The following SPRY3 variants were observed in gnomAD, a reference collection of about 807,000 sequenced individuals.
SPRY3 encodes the protein protein sprouty homolog 3.
SPRY3 carries 15 observed loss-of-function variants against 20.2 expected under a neutral mutation model. The ratio of observed to expected loss-of-function variants is 0.74; its 90% CI spans 0.50 to 1.14. The LOEUF (loss-of-function observed/expected upper bound fraction) is 1.14. Among genes scored for constraint, SPRY3 ranks in the 50% most tolerant of loss-of-function variants. SPRY3 has a pLI of 0.00. For synonymous variants in SPRY3, 143 were observed against 136.5 expected (o/e 1.05, Z -0.33); for missense variants, 364 against 363.9 (o/e 1.00, Z 0.00).
At chrX:155,774,490 G>A (rs1213759985) in exon 4 of SPRY3, 2 of 1,613,880 alleles carry the variant, frequency 1.2e-6, no homozygotes, top group African/African-American at 2.7e-5. Flanking sequence ...AGACAACTGT[G>A]CTGATGAGCC....
Position 155,725,351 on chromosome X carries a change from T to A in SPRY3, c.-281-42611T>A, listed in dbSNP as rs184671212. 2.5e-4 allele frequency among the ~76,000 whole-genome samples: 38 copies of A among 152,310 alleles called. No individual in the cohort carries two copies. The East Asian group carries it at 6.4e-3, about 25-fold the overall frequency. On this transcript the variant is annotated intron_variant, in intron 2 of 3. Transcript: ENST00000675360. ...ACCTCATAAAATAAGTTAGGGAGGA[T>A]TCCCTCTTTTTCTATTAATTGGAAT...
At chrX:155,778,302 T>C (rs184914934), downstream of SPRY3, 1 of 167,154 alleles carries the variant, frequency 6.0e-6, no homozygotes, top group South Asian at 2.1e-4. Flanking sequence ...ATAAGTATCT[T>C]GCTATGTTAA....
chrX:155,730,921 A>G (rs1315544013), intron 2 of SPRY3, among the ~76,000 whole-genome samples: 1 of 152,112 alleles, frequency 6.6e-6, no homozygotes, highest in Admixed American at 6.6e-5. Flanking sequence ...CAATAGCTAC[A>G]AGTAAAATCA....
At chrX:155,626,431 T>A (rs1382801221) in intron 1 of SPRY3, among the ~76,000 whole-genome samples, 2 of 111,785 alleles carry the variant, frequency 1.8e-5, no homozygotes, top group African/African-American at 6.5e-5. Context: ...TAAGAGCATT[T>A]TACATATTCT....
intron 1 of SPRY3, among the ~76,000 whole-genome samples, chrX:155,628,121 C>T (rs1032091659): frequency 1.4e-4 from 16 of 111,924 alleles, no homozygotes; most frequent in East Asian, 8.3e-4. Context: ...TGAACATACA[C>T]GTACACGTAT....
At chrX:155,750,149 G>A (rs1602987137) in intron 2 of SPRY3, among the ~76,000 whole-genome samples, 1 of 151,876 alleles carries the variant, frequency 6.6e-6, no homozygotes, top group Non-Finnish European at 1.5e-5. Flanking sequence ...GCAGCTAGAA[G>A]CCATTATCCC....
At chrX:155,750,471 G>A (rs1415741196) in intron 2 of SPRY3, among the ~76,000 whole-genome samples, 1 of 151,774 alleles carries the variant, frequency 6.6e-6, no homozygotes, top group African/African-American at 2.4e-5. Flanking sequence ...ATCACCAGAG[G>A]ACATTGAGAT....
chrX:155,694,615 T>A (rs913692886), intron 2 of SPRY3, among the ~76,000 whole-genome samples: 140 of 111,858 alleles, frequency 1.3e-3, no homozygotes, highest in African/African-American at 4.3e-3. Context: ...AATGAAATAA[T>A]TATACAACTG....
intron 2 of SPRY3, among the ~76,000 whole-genome samples, chrX:155,710,022 G>T (rs2090975446): frequency 6.6e-6 from 1 of 151,566 alleles, no homozygotes. Flanking sequence ...TGGCCTATGT[G>T]TATATTCTTA....
At chrX:155,685,772 C>CT in intron 2 of SPRY3, among the ~76,000 whole-genome samples, 1 of 110,078 alleles carries the variant, frequency 9.1e-6, no homozygotes. Context: ...CATAGTATTC[C>CT]TTTTTTTGTT....
intron 2 of SPRY3, among the ~76,000 whole-genome samples, chrX:155,747,957 G>T (rs941825780): frequency 5.9e-5 from 9 of 151,768 alleles, no homozygotes; most frequent in African/African-American, 2.2e-4. Context: ...TTGTATACTT[G>T]ATCAGTATAA....
chrX:155,769,098 A>G (rs1365526057), intron 3 of SPRY3, among the ~76,000 whole-genome samples: 2 of 152,330 alleles, frequency 1.3e-5, no homozygotes, highest in African/African-American at 4.8e-5. Flanking sequence ...GTTTATCCAC[A>G]ATGAAATATT....
chrX:155,629,725 T>A (rs1439858416), intron 1 of SPRY3, among the ~76,000 whole-genome samples: 1 of 112,211 alleles, frequency 8.9e-6, no homozygotes, highest in Non-Finnish European at 1.9e-5. Context: ...GGTATCTCAT[T>A]GTGGTTTTGA....
At chrX:155,753,305 A>T (rs2124584775) in intron 2 of SPRY3, among the ~76,000 whole-genome samples, 1 of 124,386 alleles carries the variant, frequency 8.0e-6, no homozygotes, top group African/African-American at 3.1e-5. Context: ...TTCTTTGTGG[A>T]TTTGCATTTT....
At chrX:155,647,187 A>G (rs1344608363) in intron 1 of SPRY3, among the ~76,000 whole-genome samples, 4 of 108,470 alleles carry the variant, frequency 3.7e-5, no homozygotes, top group African/African-American at 1.3e-4. Context: ...TATTGTCTCT[A>G]TTTCTCCCTT....
chrX:155,758,207 T>G (rs2091290729), intron 2 of SPRY3, among the ~76,000 whole-genome samples: 1 of 152,170 alleles, frequency 6.6e-6, no homozygotes, highest in Non-Finnish European at 1.5e-5. Context: ...CATTTCCGTA[T>G]CTCACATATC....
intron 3 of SPRY3, among the ~76,000 whole-genome samples, chrX:155,769,357 C>G (rs150101739): frequency 8.5e-4 from 129 of 152,192 alleles, no homozygotes; most frequent in African/African-American, 3.0e-3. Flanking sequence ...ATGCAACCAA[C>G]AAACCCAACA....
At chrX:155,647,183 C>T (rs2067960585) in intron 1 of SPRY3, among the ~76,000 whole-genome samples, 1 of 109,996 alleles carries the variant, frequency 9.1e-6, no homozygotes, top group Admixed American at 9.7e-5. Flanking sequence ...ATTGTATTGT[C>T]TCTATTTCTC....
chrX:155,729,167 T>A (rs930837106), intron 2 of SPRY3, among the ~76,000 whole-genome samples: 1 of 152,030 alleles, frequency 6.6e-6, no homozygotes, highest in African/African-American at 2.4e-5. Context: ...CAACAAAAAA[T>A]CAACAAAGAA....
Sources: gnomAD v4.1 joint callset for allele counts (sites outside exome capture counted in the v4.1 genomes callset) on GRCh38, gnomAD v4.1.1 for gene constraint, MANE v1.5 for transcripts, NCBI Gene and HGNC (gene_info 2026-07-23, HGNC 2026-07-21) for gene names.